Variants in TXNDC12 observed in about 807,000 individuals in gnomAD.
TXNDC12 encodes thioredoxin domain-containing protein 12.
In TXNDC12, 22 loss-of-function variants were observed where a neutral mutation model predicts 24.2. The observed-to-expected ratio is 0.91, with a 90% confidence interval of 0.65 to 1.30. The LOEUF is 1.30. TXNDC12 is among the 50% of genes most tolerant of loss of function. The pLI, the probability that TXNDC12 is intolerant of heterozygous loss-of-function variation, is 0.00. For missense variants in TXNDC12, 184 were observed against 205.8 expected, an observed-to-expected ratio of 0.89 and a Z score of 0.65; for synonymous variants, 58 against 73.4, an observed-to-expected ratio of 0.79 and a Z score of 1.07.
At position 52,027,328 on chromosome 1, in the gene TXNDC12, C is replaced by T. The variant is rs1261439578; in HGVS notation, c.232G>A (p.Glu78Lys). Residue 78 changes from glutamate to lysine, a missense_variant, in exon 4 of 7, where the codon GAA becomes AAA. Coordinates refer to ENST00000371626, the MANE Select transcript of TXNDC12 (RefSeq NM_015913.4). ...GAGAGTTCTGAAATTTCCGTAGATT[C>T]TGCAAATTTGGGCTTTAGAGCTGGG... The part of the protein sequence containing the change: ...ACKALKPKFA[E>K]STEISELSHN... The T allele has an allele frequency of 6.2e-6, 10 of 1,613,392 alleles. No individual in the cohort carries two copies. The highest frequency in any genetic ancestry group is 2.7e-5 in the African/African-American group (2 of 74,990).
chr1:52,049,758 G>A (rs1686163933), intron 1 of TXNDC12, among the ~76,000 whole-genome samples: 1 of 147,752 alleles, frequency 6.8e-6, no homozygotes, highest in South Asian at 2.1e-4. Flanking sequence ...TGCTGGTTTT[G>A]AACTCCTGGC....
At chr1:52,039,705 C>T (rs771021810) in intron 2 of TXNDC12, among the ~76,000 whole-genome samples, 7 of 152,146 alleles carry the variant, frequency 4.6e-5, no homozygotes, top group Non-Finnish European at 1.0e-4. Context: ...TAATGTTGCA[C>T]GGCATTTTAA....
rs757143154 is a variant in TXNDC12, at chr1:52,023,498, G to A, written c.432C>T (p.Ala144=). 13 of 1,613,236 alleles carry A rather than the reference G, an allele frequency of 8.1e-6. No individual in the cohort carries two copies. In the African/African-American group the frequency reaches 9.3e-5, roughly 12 times the overall value. The change falls in exon 6 of 7, where the codon GCC becomes GCT. Residue 144 remains alanine (A), a synonymous_variant. Transcript: ENST00000371626. The stretch of plus-strand genomic sequence containing the variant: ...CCTTCAGCATAACTATACCTTGCTC[G>A]GCACTGACATAAAAATACTTGTAGC... ...NPSYKYFYVS[A]EQVVQGMKEA...
At chr1:52,053,679 C>CAA in intron 1 of TXNDC12, among the ~76,000 whole-genome samples, 1 of 150,856 alleles carries the variant, frequency 6.6e-6, no homozygotes, top group African/African-American at 2.5e-5. Flanking sequence ...CAAAACAAAA[C>CAA]AACAACAAAA....
chr1:52,020,347 G>A lies in TXNDC12; in HGVS notation c.*586C>T. 2 of 410,970 alleles carry A rather than the reference G, an allele frequency of 4.9e-6. No homozygotes were observed. The highest frequency in any genetic ancestry group is 5.0e-5 in the South Asian group (2 of 39,712). The allele number at this position is 410,970 out of a possible 1,614,324, so 25.5% of individuals were successfully genotyped here. The stretch of plus-strand genomic sequence containing the variant: ...CTGCACACGCATGCGTGCAAACAGG[G>A]AAGCTCAAGCATGAGAAGAGGAAAG... On this transcript the variant is annotated 3_prime_UTR_variant, in exon 7 of 7. Transcript: ENST00000371626.
rs373133384 is a variant in TXNDC12 at position 52,041,486 on chromosome 1, T to C, written c.158+51A>G. On this transcript the variant is annotated intron_variant, in intron 2 of 6. Transcript: ENST00000371626. ...TCACCTGAAATTAACGTTAAGTTGATAGCTGAAAAGTGTTTTACCACCATA... is the reference window on the plus strand; with the variant it reads ...TCACCTGAAATTAACGTTAAGTTGACAGCTGAAAAGTGTTTTACCACCATA... 7.5e-6 allele frequency: 10 copies of C among 1,327,044 alleles called. No individual in the cohort carries two copies. In the African/African-American group the frequency reaches 8.7e-5, roughly 12 times the overall value. 82.2% of individuals were successfully genotyped at this position (1,327,044 alleles called of 1,614,324 possible).
Position 52,055,187 on chromosome 1 carries a change from A to G in TXNDC12, c.-91T>C. 3.9e-6 allele frequency: 3 copies of G among 761,494 alleles called. No homozygotes were observed. The highest frequency in any genetic ancestry group is 6.8e-6 in the Non-Finnish European group (3 of 442,884). The allele number at this position is 761,494 out of a possible 1,614,324, so 47.2% of individuals were successfully genotyped here. On this transcript the variant is annotated 5_prime_UTR_variant, in exon 1 of 7. Coordinates refer to ENST00000371626, the MANE Select transcript of TXNDC12 (RefSeq NM_015913.4). ...CACAGTTCGCCGAGCGCCGCTCAGCACAACACCTCTACTTCCCAGATTTTT... is the reference window on the plus strand; with the variant it reads ...CACAGTTCGCCGAGCGCCGCTCAGCGCAACACCTCTACTTCCCAGATTTTT...
chr1:52,027,771 A>G (rs1373104599), intron 3 of TXNDC12, among the ~76,000 whole-genome samples: 2 of 149,032 alleles, frequency 1.3e-5, no homozygotes, highest in Non-Finnish European at 3.0e-5. Context: ...ATACGTATAT[A>G]TTATATGTTA....
At chr1:52,031,176 T>G (rs1685747608) in intron 2 of TXNDC12, among the ~76,000 whole-genome samples, 1 of 151,784 alleles carries the variant, frequency 6.6e-6, no homozygotes, top group Non-Finnish European at 1.5e-5. Flanking sequence ...TTTTTTTTTT[T>G]TGAGATGGAG....
upstream of TXNDC12, chr1:52,055,260 C>T: frequency 1.7e-6 from 1 of 599,582 alleles, no homozygotes; most frequent in Admixed American, 2.9e-5. Context: ...GTGGGTGGTG[C>T]CTCCGGGGTC....
chr1:52,032,670 C>G (rs1572001688), intron 2 of TXNDC12: 1 of 1,556,916 alleles, frequency 6.4e-7, no homozygotes, highest in East Asian at 2.2e-5. Flanking sequence ...AGATCAGAAG[C>G]CATGGCTTCC....
chr1:52,034,338 A>T (rs976610276), intron 2 of TXNDC12, among the ~76,000 whole-genome samples: 2 of 152,220 alleles, frequency 1.3e-5, no homozygotes, highest in East Asian at 1.9e-4. Context: ...TTATAAAAGA[A>T]CAGAAGGGAA....
At chr1:52,028,366 A>T (rs1685704829) in intron 3 of TXNDC12, among the ~76,000 whole-genome samples, 1 of 152,196 alleles carries the variant, frequency 6.6e-6, no homozygotes, top group Admixed American at 6.5e-5. Context: ...CCCATACGTG[A>T]CATAACTGTA....
rs541959179 is a variant in TXNDC12, at chr1:52,025,642, G to A, written c.286-1063C>T. ...AGTGGTGAGGAATTCATGTGCAAAGGCAATCAATACTTTCACAATTTATGA... is the reference window on the plus strand; with the variant it reads ...AGTGGTGAGGAATTCATGTGCAAAGACAATCAATACTTTCACAATTTATGA... On this transcript the variant is annotated intron_variant, in intron 4 of 6. Transcript: ENST00000371626. 1.3e-4 allele frequency among the ~76,000 whole-genome samples: 20 copies of A among 152,250 alleles called. 1 individual carries two copies. The South Asian group carries it at 4.1e-3, about 32-fold the overall frequency.
chr1:52,024,127 T>A (rs78523313), intron 5 of TXNDC12, among the ~76,000 whole-genome samples: 3 of 151,990 alleles, frequency 2.0e-5, no homozygotes, highest in African/African-American at 7.3e-5. Flanking sequence ...CCTAAATAGC[T>A]GAGACTACAG....
At chr1:52,047,484 T>C (rs1686120288) in intron 1 of TXNDC12, among the ~76,000 whole-genome samples, 2 of 152,124 alleles carry the variant, frequency 1.3e-5, no homozygotes, top group South Asian at 4.1e-4. Context: ...AGGTAGGAAA[T>C]GATCCCAGAG....
intron 2 of TXNDC12, among the ~76,000 whole-genome samples, chr1:52,036,027 TTG>T (rs1202265211): frequency 6.6e-6 from 1 of 152,136 alleles, no homozygotes; most frequent in Non-Finnish European, 1.5e-5. Flanking sequence ...CAAAAAGTTG[TTG>T]TGAGAGTTAA....
intron 2 of TXNDC12, chr1:52,030,466 A>G (rs933152877): frequency 6.6e-6 from 1 of 152,166 alleles, no homozygotes; most frequent in Admixed American, 6.5e-5. Flanking sequence ...GTTAGACCCA[A>G]TTCAATCAAT....
intron 1 of TXNDC12, chr1:52,052,284 A>C (rs1420726405): frequency 6.4e-6 from 1 of 157,284 alleles, no homozygotes; most frequent in Non-Finnish European, 1.5e-5. Flanking sequence ...CATGAACAAG[A>C]CAGAAATAGT....
Sources: allele counts gnomAD v4.1 joint callset (sites outside exome capture counted in the v4.1 genomes callset), GRCh38; gene constraint gnomAD v4.1.1; transcripts MANE v1.5; gene names NCBI Gene and HGNC (gene_info 2026-07-23, HGNC 2026-07-21).